The following EFCAB6 variants were observed in gnomAD, a reference collection of about 807,000 sequenced individuals.
The protein encoded by EFCAB6 is EF-hand calcium-binding domain-containing protein 6.
EFCAB6 carries 156 observed loss-of-function variants against 169.8 expected under a neutral mutation model. The ratio of observed to expected loss-of-function variants is 0.92; its 90% CI spans 0.81 to 1.05. EFCAB6 has a LOEUF of 1.05. Among genes scored for constraint, EFCAB6 ranks in the 50% least tolerant of loss-of-function variants. The probability of loss-of-function intolerance (pLI) is 0.00; values close to 1 mark genes in which losing one functional copy is unlikely to be tolerated. For missense variants in EFCAB6, 1,800 were observed against 1,829.1 expected (o/e 0.98, Z 0.29); for synonymous variants, 698 against 676.4 (o/e 1.03, Z -0.50).
chr22:43,539,931 C>G (rs1040285377), intron 28 of EFCAB6, among the ~76,000 whole-genome samples, 196 bp downstream of exon 28: 4 of 152,186 alleles, frequency 2.6e-5, no homozygotes, highest in Non-Finnish European at 1.5e-5. Context: ...GTTCCTATCC[C>G]CACGTCTGCC....
chr22:43,696,416 C>A (rs2058578008), intron 10 of EFCAB6, among the ~76,000 whole-genome samples: 2 of 152,138 alleles, frequency 1.3e-5, no homozygotes, highest in Admixed American at 6.5e-5. Flanking sequence ...CATACACTCA[C>A]CATGCAATCC....
At chr22:43,805,745 GATGGATATCCCAAGT>G (rs1198954819) in intron 2 of EFCAB6, among the ~76,000 whole-genome samples, 9 of 152,182 alleles carry the variant, frequency 5.9e-5, no homozygotes, top group African/African-American at 2.2e-4. Context: ...TATCTCAGGT[GATGGATATCCCAAGT>G]ATACTGATTT....
chr22:43,631,328 T>G (rs1249848733), intron 19 of EFCAB6, among the ~76,000 whole-genome samples: 1 of 151,944 alleles, frequency 6.6e-6, no homozygotes, highest in Non-Finnish European at 1.5e-5. Flanking sequence ...GCTCAGATCA[T>G]CTTGTACTGG....
chr22:43,718,984 T>C (rs1406268637), intron 8 of EFCAB6, among the ~76,000 whole-genome samples: 2 of 152,160 alleles, frequency 1.3e-5, no homozygotes, highest in Admixed American at 1.3e-4. Context: ...CTTGGACACC[T>C]CATCCTGTTC....
intron 10 of EFCAB6, among the ~76,000 whole-genome samples, chr22:43,708,451 A>G (rs2059038159): frequency 6.6e-6 from 1 of 152,166 alleles, no homozygotes; most frequent in Non-Finnish European, 1.5e-5. Flanking sequence ...GAATAAAGAA[A>G]AAAAGAAGAG....
At position 43,668,887 on chromosome 22, in the gene EFCAB6, G is replaced by A; in HGVS notation, c.1799C>T (p.Pro600Leu). The change falls in exon 16 of 32, where the codon CCA (proline) becomes CTA (leucine). Residue 600 changes from proline (P) to leucine (L), a missense_variant. Physicochemically the swap from Pro to Leu is moderately conservative, Grantham distance 98. Transcript: ENST00000262726. ...TTAATTTTACCTCTCAGAAAGATCT[G>A]GCTGCTGCTGTTCATCTTTTTGTAA... Reference protein sequence around the residue: ...EHLQKDEQQQPDLSERTKLTE... With the variant: ...EHLQKDEQQQLDLSERTKLTE... The A allele has an allele frequency of 6.2e-7, 1 of 1,602,934 alleles. No homozygotes were observed. The highest frequency in any genetic ancestry group is 1.1e-5 in the South Asian group (1 of 88,110).
At chr22:43,675,146 T>A (rs561770755) in intron 13 of EFCAB6, among the ~76,000 whole-genome samples, 1 of 148,080 alleles carries the variant, frequency 6.8e-6, no homozygotes, top group African/African-American at 2.5e-5. Context: ...ATATATATTA[T>A]AACTAAATTA....
chr22:43,641,184 C>A (rs137739), intron 17 of EFCAB6, among the ~76,000 whole-genome samples: 60,907 of 152,032 alleles, frequency 0.4, 13,253 homozygotes, highest in East Asian at 0.65. Flanking sequence ...TGTCAACATA[C>A]GGAACAGCTG....
intron 22 of EFCAB6, among the ~76,000 whole-genome samples, chr22:43,601,959 C>T (rs1260116767): frequency 6.6e-6 from 1 of 152,252 alleles, no homozygotes; most frequent in African/African-American, 2.4e-5. Flanking sequence ...GCCCCATTCT[C>T]CACATGGACT....
chr22:43,544,297 C>T (rs540748255), intron 27 of EFCAB6, among the ~76,000 whole-genome samples: 5 of 152,300 alleles, frequency 3.3e-5, no homozygotes, highest in Admixed American at 1.3e-4. Flanking sequence ...AAATTGACTG[C>T]ACCTATGCTC....
chr22:43,685,331 G>A (rs1214827683), intron 11 of EFCAB6, among the ~76,000 whole-genome samples: 1 of 152,054 alleles, frequency 6.6e-6, no homozygotes, highest in African/African-American at 2.4e-5. Flanking sequence ...TGGGTCTGTG[G>A]GGGCAGGAAG....
chr22:43,704,266 A>G (rs111922397), intron 10 of EFCAB6, among the ~76,000 whole-genome samples: 65 of 152,284 alleles, frequency 4.3e-4, no homozygotes, highest in African/African-American at 1.5e-3. Context: ...TTCACCCAGA[A>G]AAACTGTTTT....
chr22:43,615,905 G>A lies in EFCAB6; in HGVS notation c.2483C>T (p.Ala828Val), dbSNP rs777616724. 1.7e-5 allele frequency: 28 copies of A among 1,612,728 alleles called. No individual in the cohort carries two copies. Among genetic ancestry groups the A allele is most frequent in the African/African-American group, 2.7e-5 (2 of 74,886 alleles). The change falls in exon 21 of 32, where the codon GCG becomes GTG. Residue 828 changes from alanine (A) to valine (V), a missense_variant. Coordinates refer to ENST00000262726, the MANE Select transcript of EFCAB6 (RefSeq NM_022785.4). ...QRLIRPKQKVADSELACEQAH... is the reference protein window; with the variant it reads ...QRLIRPKQKVVDSELACEQAH... ...CTGCTCACAAGCTAGTTCTGAATCCGCAACCTTCTGTTTTGGTCTTAAAAG... is the reference window on the plus strand; with the variant it reads ...CTGCTCACAAGCTAGTTCTGAATCCACAACCTTCTGTTTTGGTCTTAAAAG...
chr22:43,734,669 G>A (rs1004326988), intron 7 of EFCAB6, among the ~76,000 whole-genome samples: 10 of 151,988 alleles, frequency 6.6e-5, no homozygotes, highest in Non-Finnish European at 1.5e-4. Context: ...CACTTTCCCA[G>A]CCGGAAAAGA....
chr22:43,608,077 A>G (rs957019845), intron 22 of EFCAB6, among the ~76,000 whole-genome samples: 3 of 152,184 alleles, frequency 2.0e-5, no homozygotes, highest in African/African-American at 7.2e-5. Flanking sequence ...ATTTCCATCT[A>G]TAGGTAATGG....
At chr22:43,594,765 T>C (rs571257571) in intron 23 of EFCAB6, among the ~76,000 whole-genome samples, 7 of 152,336 alleles carry the variant, frequency 4.6e-5, no homozygotes, top group African/African-American at 1.7e-4. Flanking sequence ...AGTTAAACTA[T>C]GGTCTAGGTC....
At chr22:43,754,832 C>T (rs1489231361) in intron 6 of EFCAB6, among the ~76,000 whole-genome samples, 1 of 152,072 alleles carries the variant, frequency 6.6e-6, no homozygotes, top group African/African-American at 2.4e-5. Flanking sequence ...AGACATATAC[C>T]CCTAAGTAAT....
chr22:43,776,322 T>C (rs2061638377), intron 3 of EFCAB6, among the ~76,000 whole-genome samples: 1 of 152,232 alleles, frequency 6.6e-6, no homozygotes, highest in Admixed American at 6.5e-5. Context: ...ACAACTATCA[T>C]ATTTCAACCA....
chr22:43,571,868 T>C (rs2049896899), intron 26 of EFCAB6, among the ~76,000 whole-genome samples: 2 of 152,242 alleles, frequency 1.3e-5, no homozygotes, highest in African/African-American at 4.8e-5. Flanking sequence ...AGTTTCATGC[T>C]GCCCTTCCAG....
Sources: allele counts gnomAD v4.1 joint callset (sites outside exome capture counted in the v4.1 genomes callset), GRCh38; gene constraint gnomAD v4.1.1; transcripts MANE v1.5; gene names NCBI Gene and HGNC (gene_info 2026-07-23, HGNC 2026-07-21).